Variants in TCF7L2 observed in about 807,000 individuals in gnomAD.
TCF7L2 encodes transcription factor 7-like 2.
A neutral mutation model predicts 77.9 loss-of-function variants in TCF7L2; 23 were observed. The ratio of observed to expected loss-of-function variants is 0.30; its 90% confidence interval spans 0.21 to 0.42. TCF7L2 has a LOEUF of 0.42. TCF7L2 is among the 10% of genes least tolerant of loss of function. The pLI, the probability that TCF7L2 is intolerant of heterozygous loss-of-function variation, is 1.00. For missense variants in TCF7L2, 654 were observed against 793.1 expected (o/e 0.82, Z 2.11); for synonymous variants, 413 against 340.2 (o/e 1.21, Z -2.36).
In TCF7L2 at chr10:113,151,131, T is replaced by G; in HGVS notation, c.1001+8T>G. On this transcript the variant is annotated splice_region_variant and intron_variant, in intron 9 of 13. Coordinates refer to ENST00000627217, the MANE Select transcript of TCF7L2 (RefSeq NM_001146274.2). This position sits in a 1 kb window ranked among gnomAD's most constrained non-coding sequence, Gnocchi z 5.2. ...CGGCTCACTCCATAGTTCGTAAGTG[T>G]TGCTGTTTTTCTCACCTTCTTCGTA... The G allele has an allele frequency of 6.2e-7, 1 of 1,614,042 alleles. No individual in the cohort carries two copies. Among genetic ancestry groups the G allele is most frequent in the Non-Finnish European group, 8.5e-7 (1 of 1,179,974 alleles).
At chr10:113,139,132 C>T (rs2067895270) in intron 5 of TCF7L2, among the ~76,000 whole-genome samples, 1 of 152,200 alleles carries the variant, frequency 6.6e-6, no homozygotes, top group African/African-American at 2.4e-5. Flanking sequence ...TTTAAACTGT[C>T]TGGAGCTGGT....
At chr10:113,100,305 G>T (rs1228214702) in intron 5 of TCF7L2, among the ~76,000 whole-genome samples, 2 of 152,194 alleles carry the variant, frequency 1.3e-5, no homozygotes, top group African/African-American at 4.8e-5. Context: ...TTTAGAAAGC[G>T]GGTGGTGGCA....
At chr10:113,022,840 C>T (rs2133899939) in intron 4 of TCF7L2, among the ~76,000 whole-genome samples, 1 of 152,220 alleles carries the variant, frequency 6.6e-6, no homozygotes, top group East Asian at 1.9e-4. Flanking sequence ...AGTTCATTTG[C>T]CCAAGCTCAC....
chr10:112,979,115 G>T (rs2039996963), intron 4 of TCF7L2, among the ~76,000 whole-genome samples: 1 of 152,118 alleles, frequency 6.6e-6, no homozygotes, highest in African/African-American at 2.4e-5. Flanking sequence ...GATTTGGGGG[G>T]TTTTCATCTT....
chr10:113,024,229 C>G (rs958370895), intron 4 of TCF7L2, among the ~76,000 whole-genome samples: 6 of 152,010 alleles, frequency 3.9e-5, no homozygotes, highest in African/African-American at 1.4e-4. Context: ...ACCTGGGAGG[C>G]GGAGATTGCA....
intron 7 of TCF7L2, among the ~76,000 whole-genome samples, chr10:113,145,098 A>G (rs949366621): frequency 2.0e-5 from 3 of 149,980 alleles, no homozygotes; most frequent in Non-Finnish European, 3.0e-5. Context: ...TTCTCTAGTT[A>G]GATAGATTCT....
chr10:113,150,733 A>G (rs1452917239), intron 8 of TCF7L2, among the ~76,000 whole-genome samples: 1 of 152,206 alleles, frequency 6.6e-6, no homozygotes, highest in Non-Finnish European at 1.5e-5. Flanking sequence ...CCGCCCAAGT[A>G]CGTCAGTTGA....
At chr10:113,075,757 A>G (rs1176058018) in intron 5 of TCF7L2, among the ~76,000 whole-genome samples, 2 of 152,186 alleles carry the variant, frequency 1.3e-5, no homozygotes, top group Non-Finnish European at 2.9e-5. Flanking sequence ...AGTGAAAGAG[A>G]TAATGTGAAG....
chr10:113,151,996 C>T lies in TCF7L2; in HGVS notation c.1161+112C>T. The T allele has an allele frequency of 2.1e-6, 3 of 1,427,146 alleles. No individual in the cohort carries two copies. 88.4% of individuals were successfully genotyped at this position (1,427,146 alleles called of 1,614,324 possible). On this transcript the variant is annotated intron_variant, in intron 10 of 13. Transcript: ENST00000627217. The surrounding 1 kb of genome is among the most constrained non-coding windows in gnomAD (Gnocchi z 5.2). The stretch of plus-strand genomic sequence containing the variant: ...CCCATTTCTTTGGAGAATTCTTGCC[C>T]TTCAGCCACATTCTGAATCCTTGAA...
intron 4 of TCF7L2, among the ~76,000 whole-genome samples, chr10:112,984,805 G>A (rs905882992): frequency 1.3e-5 from 2 of 152,174 alleles, no homozygotes; most frequent in African/African-American, 4.8e-5. Context: ...TTGCTCATCT[G>A]TGAAATGCCC....
At chr10:113,141,089 G>A (rs979085660) in intron 5 of TCF7L2, 95 bp from the exon 6 acceptor site, 2 of 1,509,108 alleles carry the variant, frequency 1.3e-6, no homozygotes, top group African/African-American at 2.8e-5. Context: ...CCAGGTGAGA[G>A]GCTGTGGCCA....
chr10:113,021,239 C>T (rs2048227981), intron 4 of TCF7L2, among the ~76,000 whole-genome samples: 1 of 152,148 alleles, frequency 6.6e-6, no homozygotes, highest in African/African-American at 2.4e-5. Flanking sequence ...GAAAACTCAT[C>T]CGGAAAATGG....
chr10:112,984,022 C>T (rs760982625), intron 4 of TCF7L2, among the ~76,000 whole-genome samples: 1 of 152,176 alleles, frequency 6.6e-6, no homozygotes, highest in Non-Finnish European at 1.5e-5. Flanking sequence ...TTCTTTACAC[C>T]TTCTGATTCC....
intron 4 of TCF7L2, among the ~76,000 whole-genome samples, chr10:112,967,113 C>T (rs550880928): frequency 6.6e-6 from 1 of 152,316 alleles, no homozygotes; most frequent in South Asian, 2.1e-4. Context: ...TGAAATTGTT[C>T]CCAAAGTACA....
chr10:112,962,280 C>T (rs567895251), intron 3 of TCF7L2, among the ~76,000 whole-genome samples: 38 of 152,144 alleles, frequency 2.5e-4, no homozygotes, highest in Non-Finnish European at 4.4e-4. Context: ...GAAGCTTGGA[C>T]AAGTTTCCAT....
intron 4 of TCF7L2, among the ~76,000 whole-genome samples, chr10:112,997,967 T>C (rs1172362883): frequency 1.3e-5 from 2 of 152,124 alleles, no homozygotes; most frequent in African/African-American, 4.8e-5. Flanking sequence ...AAAAGATGAT[T>C]AATTAATTGC....
intron 5 of TCF7L2, among the ~76,000 whole-genome samples, chr10:113,135,862 G>T (rs2067311993): frequency 6.6e-6 from 1 of 152,212 alleles, no homozygotes; most frequent in East Asian, 1.9e-4. Context: ...GGTCTAGGAT[G>T]CAGTGATTGG....
At chr10:113,042,149 A>G (rs897995683) in intron 5 of TCF7L2, among the ~76,000 whole-genome samples, 3 of 152,196 alleles carry the variant, frequency 2.0e-5, no homozygotes, top group Non-Finnish European at 2.9e-5. Flanking sequence ...TCATTTTCCT[A>G]TGTAGAAATT....
chr10:112,998,196 C>T (rs187941048), intron 4 of TCF7L2, among the ~76,000 whole-genome samples: 13 of 151,868 alleles, frequency 8.6e-5, no homozygotes, highest in Non-Finnish European at 1.8e-4. Context: ...ACCTCAGCCT[C>T]CCAAAGTGCT....
Sources: allele counts gnomAD v4.1 joint callset (sites outside exome capture counted in the v4.1 genomes callset), GRCh38; gene constraint gnomAD v4.1.1; non-coding constraint Gnocchi (gnomAD v3.1); transcripts MANE v1.5; gene names NCBI Gene and HGNC (gene_info 2026-07-23, HGNC 2026-07-21).